The following PCDH9 variants were observed in gnomAD, a reference collection of about 807,000 sequenced individuals.
The protein encoded by PCDH9 is protocadherin 9, also known as protocadherin-9.
Under a neutral mutation model 70.6 loss-of-function variants are expected in PCDH9, and 24 were observed. The observed-to-expected ratio is 0.34, with a 90% confidence interval of 0.25 to 0.48. The LOEUF (loss-of-function observed/expected upper bound fraction) is 0.48, where lower values mean the gene tolerates loss of function less well. Ranked by LOEUF, PCDH9 falls within the 20% of genes least tolerant of loss-of-function variation. The pLI, the probability that PCDH9 is intolerant of heterozygous loss-of-function variation, is 0.99. For synonymous variants in PCDH9, 562 were observed against 558.5 expected, an observed-to-expected ratio of 1.01 and a Z score of -0.09; for missense variants, 1,281 against 1,503.6, an observed-to-expected ratio of 0.85 and a Z score of 2.45.
chr13:67,140,680 T>A (rs1343343138), intron 2 of PCDH9, among the ~76,000 whole-genome samples: 2 of 152,248 alleles, frequency 1.3e-5, no homozygotes, highest in Non-Finnish European at 2.9e-5. Context: ...CTAATTCCAA[T>A]GTGCCTCCTC....
intron 3 of PCDH9, among the ~76,000 whole-genome samples, chr13:66,725,137 C>T (rs2078989447): frequency 1.3e-5 from 2 of 152,132 alleles, no homozygotes; most frequent in African/African-American, 4.8e-5. Context: ...TTCTTAGGTC[C>T]AGTTTGTTAT....
intron 4 of PCDH9, among the ~76,000 whole-genome samples, chr13:66,386,671 A>G (rs1956935787): frequency 6.6e-6 from 1 of 152,154 alleles, no homozygotes; most frequent in South Asian, 2.1e-4. Flanking sequence ...AAATATTCAT[A>G]TAGTGATTGG....
At chr13:67,088,791 T>G (rs774220304) in intron 2 of PCDH9, among the ~76,000 whole-genome samples, 16 of 152,184 alleles carry the variant, frequency 1.1e-4, no homozygotes, top group Non-Finnish European at 2.9e-5. Flanking sequence ...CTTAAAATAC[T>G]ACTGAGCAGT....
At chr13:66,378,250 G>A (rs1435098119) in intron 4 of PCDH9, among the ~76,000 whole-genome samples, 1 of 152,120 alleles carries the variant, frequency 6.6e-6, no homozygotes, top group Non-Finnish European at 1.5e-5. Context: ...TTTCAAAGAT[G>A]TAATAATATT....
chr13:66,316,580 T>C (rs927911461), intron 4 of PCDH9, among the ~76,000 whole-genome samples: 2 of 152,198 alleles, frequency 1.3e-5, no homozygotes, highest in African/African-American at 4.8e-5. Context: ...TGGTATTATG[T>C]ATGCCTGGAA....
chr13:67,195,545 C>T (rs1007059407), intron 2 of PCDH9, among the ~76,000 whole-genome samples: 7 of 152,070 alleles, frequency 4.6e-5, no homozygotes, highest in African/African-American at 1.4e-4. Context: ...ACTCTTAAGA[C>T]AAGTTATTAG....
At chr13:66,614,208 A>G (rs1441930123) in intron 4 of PCDH9, among the ~76,000 whole-genome samples, 1 of 152,230 alleles carries the variant, frequency 6.6e-6, no homozygotes, top group African/African-American at 2.4e-5. Flanking sequence ...GGAAATGTAA[A>G]CTTTGGCCTA....
intron 3 of PCDH9, among the ~76,000 whole-genome samples, chr13:66,708,194 C>T (rs1194155510): frequency 6.6e-5 from 10 of 150,506 alleles, no homozygotes; most frequent in South Asian, 4.2e-4. Context: ...GGACTACAGG[C>T]GCCCGCCACT....
At chr13:66,481,147 C>G (rs542087675) in intron 4 of PCDH9, among the ~76,000 whole-genome samples, 30 of 151,890 alleles carry the variant, frequency 2.0e-4, no homozygotes, top group African/African-American at 6.5e-4. Flanking sequence ...CATACCGGGG[C>G]CTGTCAGGGG....
chr13:66,836,603 T>G (rs188715059), intron 3 of PCDH9, among the ~76,000 whole-genome samples: 13 of 152,264 alleles, frequency 8.5e-5, no homozygotes, highest in African/African-American at 3.1e-4. Flanking sequence ...AATTTTTACT[T>G]TTAATCTGTG....
At chr13:67,114,583 C>G (rs2086723223) in intron 2 of PCDH9, among the ~76,000 whole-genome samples, 1 of 152,074 alleles carries the variant, frequency 6.6e-6, no homozygotes, top group African/African-American at 2.4e-5. Context: ...CACCTTTACA[C>G]CAATATATTG....
At position 66,922,854 on chromosome 13, in the gene PCDH9, C is replaced by T. The variant is rs981399124; in HGVS notation, c.3037-19249G>A. Among the ~76,000 whole-genome samples the T allele has an allele frequency of 1.1e-4, 16 of 151,556 alleles. No individual in the cohort carries two copies. The East Asian group carries it at 1.6e-3, about 15-fold the overall frequency. ...AAAATGATAATGCTATCAAGTTTAG[C>T]TACTTTTTCCAACTCATTCATTTTT... On this transcript the variant is annotated intron_variant, in intron 2 of 4. Transcript: ENST00000377865.
chr13:66,959,852 T>G (rs1279377227), intron 2 of PCDH9, among the ~76,000 whole-genome samples: 2 of 152,146 alleles, frequency 1.3e-5, no homozygotes, highest in Non-Finnish European at 2.9e-5. Flanking sequence ...CACTGAACCT[T>G]AATCAATAAA....
chr13:66,616,745 C>A (rs2077361236), intron 4 of PCDH9, among the ~76,000 whole-genome samples: 1 of 152,070 alleles, frequency 6.6e-6, no homozygotes, highest in South Asian at 2.1e-4. Flanking sequence ...CCAAATCTTA[C>A]CAAGCATAAC....
At chr13:67,165,407 T>C (rs1421357350) in intron 2 of PCDH9, among the ~76,000 whole-genome samples, 1 of 152,168 alleles carries the variant, frequency 6.6e-6, no homozygotes. Context: ...CATTATACAC[T>C]TTACAATAAT....
chr13:66,417,082 T>G lies in PCDH9; in HGVS notation c.3341-112054A>C, dbSNP rs148922849. On this transcript the variant is annotated intron_variant, in intron 4 of 4. Coordinates refer to ENST00000377865, the MANE Select transcript of PCDH9 (RefSeq NM_203487.3). ...GGGATACATGTGCAGAACATGCAGG[T>G]TTGTTACATAGGTGTACATGTGCCA... Among the ~76,000 whole-genome samples, 756 of 152,290 alleles carry G rather than the reference T, an allele frequency of 5.0e-3. 1 individual carries two copies. The highest frequency in any genetic ancestry group is 0.027 in the Middle Eastern group (8 of 294).
At chr13:67,139,595 C>T (rs1394934100) in intron 2 of PCDH9, among the ~76,000 whole-genome samples, 4 of 152,138 alleles carry the variant, frequency 2.6e-5, no homozygotes, top group South Asian at 4.1e-4. Context: ...CTCAAATATA[C>T]TACTATTATA....
At chr13:66,860,207 G>A (rs1278218737) in intron 3 of PCDH9, among the ~76,000 whole-genome samples, 1 of 152,160 alleles carries the variant, frequency 6.6e-6, no homozygotes, top group Non-Finnish European at 1.5e-5. Flanking sequence ...ATAAAAAGGA[G>A]AATCTTCTCC....
chr13:66,516,721 T>C (rs1451893476), intron 4 of PCDH9, among the ~76,000 whole-genome samples: 1 of 151,904 alleles, frequency 6.6e-6, no homozygotes, highest in African/African-American at 2.4e-5. Flanking sequence ...CCGAAATCTC[T>C]CTCTCTCTCT....
Sources: allele counts gnomAD v4.1 joint callset (sites outside exome capture counted in the v4.1 genomes callset), GRCh38; gene constraint gnomAD v4.1.1; transcripts MANE v1.5; gene names NCBI Gene and HGNC (gene_info 2026-07-23, HGNC 2026-07-21).